Variants in KDM5A observed in about 807,000 individuals in gnomAD.
The protein encoded by KDM5A is lysine-specific demethylase 5A.
Under a neutral mutation model 193.5 loss-of-function variants are expected in KDM5A, and 42 were observed. That is an observed-to-expected ratio of 0.22 (90% CI 0.17 to 0.28). The LOEUF is 0.28. KDM5A is among the 10% of genes least tolerant of loss of function. The pLI is 1.00. For synonymous variants in KDM5A, 796 were observed against 718.1 expected (o/e 1.11, Z -1.73); for missense variants, 1,692 against 2,055.1 (o/e 0.82, Z 3.42).
At chr12:332,011 T>C in intron 12 of KDM5A, 73 bp from the exon 13 acceptor site, 1 of 1,410,172 alleles carries the variant, frequency 7.1e-7, no homozygotes, top group Admixed American at 1.9e-5. Context: ...CAGATTTTAT[T>C]AGATAATTTC....
intron 1 of KDM5A, chr12:388,531 G>A (rs541280261): frequency 2.2e-4 from 80 of 361,422 alleles, no homozygotes; most frequent in Non-Finnish European, 3.4e-4. Context: ...CTGAGATGAG[G>A]CCTGCAAATA....
At chr12:364,639 T>G (rs2137469212) in intron 4 of KDM5A, among the ~76,000 whole-genome samples, 1 of 149,234 alleles carries the variant, frequency 6.7e-6, no homozygotes, top group East Asian at 2.0e-4. Context: ...CAAAAAATTC[T>G]GTGGGCGTGG....
intron 13 of KDM5A, among the ~76,000 whole-genome samples, chr12:330,085 G>GTGTATATA (rs377271333): frequency 3.7e-4 from 51 of 139,372 alleles, no homozygotes; most frequent in East Asian, 2.4e-3. Flanking sequence ...GTGTGTGTGT[G>GTGTATATA]TATATATATA....
At chr12:325,951 T>A (rs1591914364) in intron 14 of KDM5A, among the ~76,000 whole-genome samples, 1 of 152,098 alleles carries the variant, frequency 6.6e-6, no homozygotes, top group South Asian at 2.1e-4. Context: ...GGGGCAGAGG[T>A]TGCAGTAAGC....
In KDM5A at chr12:385,879, T is replaced by C. The variant is rs200970090; in HGVS notation, c.243+18A>G. 800 of 1,600,860 alleles carry C rather than the reference T, an allele frequency of 5.0e-4. No individual in the cohort carries two copies. The highest frequency in any genetic ancestry group is 6.1e-4 in the Non-Finnish European group (718 of 1,168,202). On this transcript the variant is annotated intron_variant, in intron 2 of 27. Coordinates refer to ENST00000399788, the MANE Select transcript of KDM5A (RefSeq NM_001042603.3). Reference sequence around the variant, plus strand: ...TAAAGAATGAATCAGGAAGCAGAAATAGTGACAAAACACTTACCTCAAGTT... The same window carrying C: ...TAAAGAATGAATCAGGAAGCAGAAACAGTGACAAAACACTTACCTCAAGTT...
In KDM5A at chr12:342,445, C is replaced by G. The variant is rs192969124; in HGVS notation, c.1309-8023G>C. On this transcript the variant is annotated intron_variant, in intron 10 of 27. Coordinates refer to ENST00000399788, the MANE Select transcript of KDM5A (RefSeq NM_001042603.3). Reference sequence around the variant, plus strand: ...TGTTGAAGGAAACTTATTTCTGGACCTACCAATAAAATGTGTTTTTTTTTT... The same window carrying G: ...TGTTGAAGGAAACTTATTTCTGGACGTACCAATAAAATGTGTTTTTTTTTT... 3.6e-4 allele frequency among the ~76,000 whole-genome samples: 55 copies of G among 152,090 alleles called. 1 individual carries two copies. The highest frequency in any genetic ancestry group is 7.2e-4 in the Non-Finnish European group (49 of 67,908).
At chr12:314,116 T>C (rs1214768284) in intron 19 of KDM5A, among the ~76,000 whole-genome samples, 2 of 152,296 alleles carry the variant, frequency 1.3e-5, no homozygotes, top group East Asian at 3.9e-4. Flanking sequence ...TCGTTCATCA[T>C]CCATGAATCC....
intron 16 of KDM5A, 110 bp from the exon 17 acceptor site, chr12:322,677 A>G (rs554075763): frequency 4.8e-5 from 42 of 883,730 alleles, no homozygotes; most frequent in South Asian, 2.7e-4. Context: ...TTGTAGAAAT[A>G]TAATAATTAG....
intron 4 of KDM5A, among the ~76,000 whole-genome samples, chr12:364,483 A>C (rs1417029713): frequency 3.4e-5 from 5 of 148,884 alleles, no homozygotes; most frequent in African/African-American, 1.2e-4. Flanking sequence ...CCTCAAAAAA[A>C]AAAAAAATTT....
chr12:362,923 T>A lies in KDM5A; in HGVS notation c.672+40A>T, dbSNP rs771800066. On this transcript the variant is annotated intron_variant, in intron 5 of 27. Transcript: ENST00000399788. ...GCCTGGGCAACATCAGGAGACTACA[T>A]CTTTATTTAAAAATTTAAAAAAGCC... 4 of 1,598,342 alleles carry A rather than the reference T, an allele frequency of 2.5e-6. No individual in the cohort carries two copies. The African/African-American group carries it at 5.4e-5, about 21-fold the overall frequency.
intron 4 of KDM5A, among the ~76,000 whole-genome samples, chr12:365,677 A>C (rs1300720166): frequency 6.6e-6 from 1 of 152,240 alleles, no homozygotes; most frequent in African/African-American, 2.4e-5. Context: ...TGTTTTAGAA[A>C]AATTCATGAA....
rs997267655 is a variant in KDM5A, at chr12:284,800, C to T, written c.*656G>A. The T allele has an allele frequency of 8.6e-6, 2 of 233,574 alleles. No individual in the cohort carries two copies. Among genetic ancestry groups the T allele is most frequent in the Middle Eastern group, 1.3e-3 (1 of 786 alleles). 14.5% of individuals were successfully genotyped at this position (233,574 alleles called of 1,614,324 possible). A position where few individuals can be genotyped will look rare whatever the true frequency, so the allele number is the denominator to read the frequency against. ...TCAGATTTCTGATCTAGATGATATC[C>T]TCATCTTACAAAGATAAGGTGACCT... is the stretch of plus-strand genomic sequence containing the variant. On this transcript the variant is annotated 3_prime_UTR_variant, in exon 28 of 28. Coordinates refer to ENST00000399788, the MANE Select transcript of KDM5A (RefSeq NM_001042603.3).
Position 366,016 on chromosome 12 carries a change from T to C in KDM5A, c.455A>G (p.Lys152Arg), listed in dbSNP as rs373945287. ...VGSRLGYLPGKGTGSLLKSHY... is the reference protein window; with the variant it reads ...VGSRLGYLPGRGTGSLLKSHY... ...TGACTTCAAAAGAGACCCAGTTCCT[T>C]TTCCTGGCAGATATCCCAAGCGACT... Residue 152 changes from lysine (K) to arginine (R), a missense_variant, in exon 4 of 28, where the codon AAA (lysine) becomes AGA (arginine). Transcript: ENST00000399788. The C allele has an allele frequency of 1.5e-5, 25 of 1,614,040 alleles. No individual in the cohort carries two copies. The African/African-American group carries it at 3.2e-4, about 21-fold the overall frequency.
intron 3 of KDM5A, among the ~76,000 whole-genome samples, chr12:374,974 G>C (rs1439057217): frequency 6.6e-6 from 1 of 152,052 alleles, no homozygotes; most frequent in African/African-American, 2.4e-5. Flanking sequence ...TCCCTTTGTG[G>C]GTAACCCGAT....
Position 389,011 on chromosome 12 carries a change from C to T in KDM5A, c.81G>A (p.Glu27=), listed in dbSNP as rs776360475. 1 of 1,614,132 alleles carries T rather than the reference C, an allele frequency of 6.2e-7. No homozygotes were observed. The highest frequency in any genetic ancestry group is 8.5e-7 in the Non-Finnish European group (1 of 1,180,010). The change falls in exon 1 of 28, where the codon GAG becomes GAA. Residue 27 remains glutamate (E), a synonymous_variant. Transcript: ENST00000399788. ...TAAAGCTGAGCGGATCTGTGAACTC[C>T]TCCCAACTCGGCTCAAAGACGGGGC... is the stretch of plus-strand genomic sequence containing the variant. The part of the protein sequence containing the change: ...PECPVFEPSW[E]EFTDPLSFIG...
chr12:310,575 A>C (rs181601713), intron 21 of KDM5A, among the ~76,000 whole-genome samples: 2 of 152,274 alleles, frequency 1.3e-5, no homozygotes, highest in Admixed American at 1.3e-4. Flanking sequence ...CGACAGCTGC[A>C]GTGGGCCGAG....
intron 3 of KDM5A, among the ~76,000 whole-genome samples, chr12:370,611 C>CT (rs777162719): frequency 0.13 from 10,550 of 82,404 alleles, 813 homozygotes; most frequent in East Asian, 0.44. Context: ...GGAACAGAGA[C>CT]TTTTTTTTTT....
At chr12:379,422 A>G (rs74055699) in intron 3 of KDM5A, among the ~76,000 whole-genome samples, 3,075 of 152,062 alleles carry the variant, frequency 0.02, 85 homozygotes, top group African/African-American at 0.07. Context: ...CTAGAGTGCT[A>G]TAAAAATGTT....
chr12:376,691 C>G (rs183077101), intron 3 of KDM5A, among the ~76,000 whole-genome samples: 4 of 152,152 alleles, frequency 2.6e-5, no homozygotes, highest in African/African-American at 9.7e-5. Flanking sequence ...AGCTGTAGAC[C>G]GGAGCTGTTC....
Sources: gnomAD v4.1 joint callset for allele counts (sites outside exome capture counted in the v4.1 genomes callset) on GRCh38, gnomAD v4.1.1 for gene constraint, MANE v1.5 for transcripts, NCBI Gene and HGNC (gene_info 2026-07-23, HGNC 2026-07-21) for gene names.